Variants in GOLGB1 observed in about 807,000 individuals in gnomAD.
The protein encoded by GOLGB1 is golgin subfamily B member 1.
Under a neutral mutation model 336.9 loss-of-function variants are expected in GOLGB1, and 174 were observed. The ratio of observed to expected loss-of-function variants is 0.52; its 90% confidence interval spans 0.46 to 0.59. The LOEUF is 0.59. GOLGB1 is among the 20% of genes least tolerant of loss of function. The pLI, the probability that GOLGB1 is intolerant of heterozygous loss-of-function variation, is 0.00. For missense variants in GOLGB1, 3,331 were observed against 3,645.3 expected (o/e 0.91, Z 2.22); for synonymous variants, 1,208 against 1,289.2 (o/e 0.94, Z 1.35).
intron 13 of GOLGB1, 25 bp from the exon 14 acceptor site, chr3:121,692,606 T>G: frequency 1.4e-6 from 2 of 1,390,604 alleles, no homozygotes; most frequent in Admixed American, 4.8e-5. Flanking sequence ...AGGTCATTAG[T>G]TACAGATTTC....
chr3:121,697,314 GTC>G lies in GOLGB1; in HGVS notation c.3207_3208del (p.Gln1069HisfsTer4). 6.2e-7 allele frequency: 1 copy of G among 1,613,358 alleles called. No homozygotes were observed. The highest frequency in any genetic ancestry group is 8.5e-7 in the Non-Finnish European group (1 of 1,179,550). On this transcript the variant is annotated frameshift_variant, in exon 13 of 22. Coordinates refer to ENST00000614479, the MANE Select transcript of GOLGB1 (RefSeq NM_001366282.2). LOFTEE classifies it high-confidence loss of function. ...TAGTTCCACTTCTTTCTCAGATATT[GTC>G]TGTTTTAAATAAATTTCTATTTCTT...
intron 10 of GOLGB1, among the ~76,000 whole-genome samples, chr3:121,706,064 G>A (rs147813580): frequency 2.2e-4 from 34 of 151,932 alleles, no homozygotes; most frequent in African/African-American, 6.8e-4. Context: ...CTTGAACCCC[G>A]GAGGCAGAGG....
In GOLGB1 at chr3:121,694,466, TA is replaced by T; in HGVS notation, c.6056del (p.Leu2019Ter). The T allele has an allele frequency of 6.2e-7, 1 of 1,612,482 alleles. No homozygotes were observed. Among genetic ancestry groups the T allele is most frequent in the Non-Finnish European group, 8.5e-7 (1 of 1,179,790 alleles). ...KSHAKELQEL[L>X]KEKQQEVKQL... ...GCTTTACTTCTTGTTGTTTTTCTTTTAACAGTTCCTGAAGTTCCTTTGCATG... is the reference window on the plus strand; with the variant it reads ...GCTTTACTTCTTGTTGTTTTTCTTTTACAGTTCCTGAAGTTCCTTTGCATG... On this transcript the variant is annotated frameshift_variant, in exon 13 of 22. Transcript: ENST00000614479. LOFTEE classifies it high-confidence loss of function.
chr3:121,710,794 C>A (rs935013324), intron 10 of GOLGB1, among the ~76,000 whole-genome samples: 1 of 151,814 alleles, frequency 6.6e-6, no homozygotes, highest in Non-Finnish European at 1.5e-5. Flanking sequence ...GAGGTTGAGG[C>A]TGCAGTGAGC....
intron 13 of GOLGB1, among the ~76,000 whole-genome samples, 175 bp from the exon 14 acceptor site, chr3:121,692,756 G>A (rs893264279): frequency 1.3e-5 from 2 of 152,170 alleles, no homozygotes; most frequent in Non-Finnish European, 2.9e-5. Context: ...TTTATCTACT[G>A]AGTGCTATGT....
At chr3:121,685,769 T>C (rs1311394548) in intron 14 of GOLGB1, among the ~76,000 whole-genome samples, 2 of 152,084 alleles carry the variant, frequency 1.3e-5, no homozygotes, top group Non-Finnish European at 2.9e-5. Context: ...TCAGAAGAAA[T>C]GGGGTTGAGG....
chr3:121,736,557 A>G (rs895662187), intron 1 of GOLGB1, among the ~76,000 whole-genome samples: 1 of 152,198 alleles, frequency 6.6e-6, no homozygotes, highest in African/African-American at 2.4e-5. Flanking sequence ...GAAAAACAAC[A>G]AAAAACTAAG....
chr3:121,689,063 T>TG lies in GOLGB1; in HGVS notation c.8694+1606dup, dbSNP rs1172565425. 1.3e-4 allele frequency among the ~76,000 whole-genome samples: 18 copies of TG among 137,478 alleles called. No homozygotes were observed. The South Asian group carries it at 2.6e-3, about 20-fold the overall frequency. 90.2% of individuals were successfully genotyped at this position (137,478 alleles called of 152,430 possible). ...CCAGCCGCCCCGTCCGGGAGGGAGGTGGGGGGGTCAGCCCCCCGCCCGGCC... is the reference window on the plus strand; with the variant it reads ...CCAGCCGCCCCGTCCGGGAGGGAGGTGGGGGGGGTCAGCCCCCCGCCCGGCC... On this transcript the variant is annotated intron_variant, in intron 14 of 21. Coordinates refer to ENST00000614479, the MANE Select transcript of GOLGB1 (RefSeq NM_001366282.2).
chr3:121,719,710 C>T lies in GOLGB1; in HGVS notation c.707G>A (p.Arg236His), dbSNP rs374045547. 21 of 1,609,258 alleles carry T rather than the reference C, an allele frequency of 1.3e-5. No homozygotes were observed. The highest frequency in any genetic ancestry group is 1.7e-5 in the Non-Finnish European group (20 of 1,177,084). ...CTGAAGAAGCTCATCTTCATGAAGACGAACTTGTGTTTCAAAGCGGGCATC... is the reference window on the plus strand; with the variant it reads ...CTGAAGAAGCTCATCTTCATGAAGATGAACTTGTGTTTCAAAGCGGGCATC... The part of the protein sequence containing the change: ...EKDARFETQV[R>H]LHEDELLQLV... The change falls in exon 7 of 22, where the codon CGT (arginine) becomes CAT (histidine). Residue 236 changes from arginine (R) to histidine (H), a missense_variant. Transcript: ENST00000614479.
Position 121,739,261 on chromosome 3 carries a change from T to C in GOLGB1, c.-2-8288A>G, listed in dbSNP as rs558704979. ...GCCTGGGTGATAGAGTAAGACCCTG[T>C]CACAAAAAAGAAAAAAAGAGCAACT... On this transcript the variant is annotated intron_variant, in intron 1 of 21. Transcript: ENST00000614479. Among the ~76,000 whole-genome samples, 7 of 150,860 alleles carry C rather than the reference T, an allele frequency of 4.6e-5. 1 individual carries two copies. In the South Asian group the frequency reaches 6.3e-4, roughly 14 times the overall value.
At chr3:121,747,404 C>T (rs1047799545) in intron 1 of GOLGB1, among the ~76,000 whole-genome samples, 15 of 140,518 alleles carry the variant, frequency 1.1e-4, no homozygotes, top group South Asian at 2.2e-4. Context: ...TACATATATA[C>T]GTATATATAT....
intron 1 of GOLGB1, among the ~76,000 whole-genome samples, chr3:121,746,842 G>T (rs1397909149): frequency 2.6e-5 from 4 of 151,834 alleles, no homozygotes; most frequent in African/African-American, 9.7e-5. Flanking sequence ...CAGTTTTAAG[G>T]TGAGTAAACT....
At chr3:121,699,962 T>C in intron 11 of GOLGB1, 77 bp from the exon 12 acceptor site, 1 of 806,390 alleles carries the variant, frequency 1.2e-6, no homozygotes, top group East Asian at 2.6e-5. Context: ...GTGAAGCTAT[T>C]TGAATTGTAT....
chr3:121,720,379 C>A (rs1945102495), intron 6 of GOLGB1, among the ~76,000 whole-genome samples: 1 of 152,178 alleles, frequency 6.6e-6, no homozygotes, highest in African/African-American at 2.4e-5. Context: ...TCATTTTTAA[C>A]TGGCTCTGAA....
intron 2 of GOLGB1, 113 bp from the exon 3 acceptor site, chr3:121,730,130 T>A: frequency 1.5e-6 from 1 of 645,590 alleles, no homozygotes. Context: ...CTTGTTAACT[T>A]AAGAATCTAA....
intron 4 of GOLGB1, among the ~76,000 whole-genome samples, chr3:121,727,327 T>A (rs1187674399): frequency 0.013 from 1,357 of 105,500 alleles, 5 homozygotes; most frequent in Non-Finnish European, 0.02. Flanking sequence ...TATATTTTTT[T>A]TTTTTTTTTT....
rs1705990854 is a variant in GOLGB1 at position 121,693,767 on chromosome 3, CA to C, written c.6755del (p.Met2252ArgfsTer4). The C allele has an allele frequency of 1.9e-6, 3 of 1,607,148 alleles. No homozygotes were observed. The highest frequency in any genetic ancestry group is 2.6e-6 in the Non-Finnish European group (3 of 1,175,112). On this transcript the variant is annotated frameshift_variant, in exon 13 of 22. Transcript: ENST00000614479. LOFTEE classifies it high-confidence loss of function. Reference protein sequence around the residue: ...KDQLRQMSIHMEELKINISRL... With the variant: ...KDQLRQMSIHXEELKINISRL... ...TGGAAATGTTAATCTTTAATTCTTC[CA>C]TATGGATGGACATCTGTCTAAGTTG...
At chr3:121,673,081 T>G (rs1354039429) in intron 17 of GOLGB1, among the ~76,000 whole-genome samples, 1 of 151,604 alleles carries the variant, frequency 6.6e-6, no homozygotes, top group Non-Finnish European at 1.5e-5. Context: ...TGGTTTTTTT[T>G]TTTTTTGAGA....
Position 121,726,929 on chromosome 3 carries a change from G to A in GOLGB1, c.515C>T (p.Ala172Val). ...TLQAQLTQAQ[A>V]EQPAQSSTEM... ...CACCCCTACCTGTGCAGGTTGTTCT[G>A]CCTGTGCCTGAGTAAGCTGGGCTTG... The change falls in exon 5 of 22, where the codon GCA (alanine) becomes GTA (valine). Residue 172 changes from alanine (A) to valine (V), a missense_variant. By Grantham distance (64) the Ala-to-Val change is moderately conservative. Transcript: ENST00000614479. 1 of 1,601,348 alleles carries A rather than the reference G, an allele frequency of 6.2e-7. No individual in the cohort carries two copies. The highest frequency in any genetic ancestry group is 1.3e-5 in the African/African-American group (1 of 74,510).
Sources: gnomAD v4.1 joint callset for allele counts (sites outside exome capture counted in the v4.1 genomes callset) on GRCh38, gnomAD v4.1.1 for gene constraint, MANE v1.5 for transcripts, NCBI Gene and HGNC (gene_info 2026-07-23, HGNC 2026-07-21) for gene names.